Variants in EGFR observed in about 807,000 individuals in gnomAD.
The protein encoded by EGFR is epidermal growth factor receptor.
Under a neutral mutation model 143.0 loss-of-function variants are expected in EGFR, and 58 were observed. The observed-to-expected ratio is 0.41, with a 90% CI of 0.33 to 0.50. EGFR has a LOEUF of 0.50. Among genes scored for constraint, EGFR ranks in the 20% least tolerant of loss-of-function variants. The pLI is 0.39. For synonymous variants in EGFR, 613 were observed against 594.4 expected, an observed-to-expected ratio of 1.03 and a Z score of -0.45; for missense variants, 1,307 against 1,579.0, an observed-to-expected ratio of 0.83 and a Z score of 2.92.
At chr7:55,144,311 A>G (rs574665703) in intron 3 of EGFR, among the ~76,000 whole-genome samples, 28 of 152,348 alleles carry the variant, frequency 1.8e-4, no homozygotes, top group Non-Finnish European at 3.2e-4. Context: ...AATCATGCTA[A>G]GCCGGGGACT....
rs758945260 is a variant in EGFR at position 55,146,690 on chromosome 7, G to A, written c.509G>A (p.Ser170Asn). The A allele has an allele frequency of 5.0e-6, 8 of 1,614,116 alleles. No homozygotes were observed. The highest frequency in any genetic ancestry group is 3.3e-5 in the Admixed American group (2 of 60,026). The change falls in exon 4 of 28, where the codon AGT (serine) becomes AAT (asparagine). Residue 170 changes from serine to asparagine, a missense_variant. Transcript: ENST00000275493. ...ATCCAGTGGCGGGACATAGTCAGCAGTGACTTTCTCAGCAACATGTCGATG... is the reference window on the plus strand; with the variant it reads ...ATCCAGTGGCGGGACATAGTCAGCAATGACTTTCTCAGCAACATGTCGATG... ...ESIQWRDIVS[S>N]DFLSNMSMDF...
chr7:55,109,538 C>T (rs557615382), intron 1 of EGFR, among the ~76,000 whole-genome samples: 2 of 152,306 alleles, frequency 1.3e-5, no homozygotes, highest in South Asian at 2.1e-4. Context: ...TCTTTGCCAG[C>T]GACCAAGCAG....
intron 10 of EGFR, chr7:55,157,078 C>T: frequency 1.0e-6 from 1 of 965,494 alleles, no homozygotes; most frequent in Non-Finnish European, 1.5e-6. Flanking sequence ...CGGCCCCAGC[C>T]AGCTGCCTTG....
intron 1 of EGFR, among the ~76,000 whole-genome samples, chr7:55,057,563 G>C (rs1403518223): frequency 6.6e-6 from 1 of 152,210 alleles, no homozygotes; most frequent in African/African-American, 2.4e-5. Flanking sequence ...GTGTGTGAGA[G>C]GTGTGGTTTC....
chr7:55,192,426 C>G (rs1787438406), intron 21 of EGFR, among the ~76,000 whole-genome samples: 1 of 152,182 alleles, frequency 6.6e-6, no homozygotes, highest in African/African-American at 2.4e-5. Context: ...AGGTTTCACT[C>G]TGGCCTGCTT....
In EGFR at chr7:55,205,761, C is replaced by G; in HGVS notation, c.*144C>G. ...TTTTGCAACGTTTACACCGACTAGCCAGGAAGTACTTCCACCTCGGGCACA... is the reference window on the plus strand; with the variant it reads ...TTTTGCAACGTTTACACCGACTAGCGAGGAAGTACTTCCACCTCGGGCACA... On this transcript the variant is annotated 3_prime_UTR_variant, in exon 28 of 28. Coordinates refer to ENST00000275493, the MANE Select transcript of EGFR (RefSeq NM_005228.5). The G allele has an allele frequency of 7.7e-7, 1 of 1,291,030 alleles. No homozygotes were observed. The highest frequency in any genetic ancestry group is 1.1e-6 in the Non-Finnish European group (1 of 913,772). The allele number at this position is 1,291,030 out of a possible 1,614,324, so 80.0% of individuals were successfully genotyped here.
intron 1 of EGFR, among the ~76,000 whole-genome samples, chr7:55,037,168 G>T (rs1787633311): frequency 6.6e-6 from 1 of 152,144 alleles, no homozygotes; most frequent in South Asian, 2.1e-4. Context: ...TAATAGATTG[G>T]TATAACTTGG....
At chr7:55,050,217 ACT>A (rs959993284) in intron 1 of EGFR, among the ~76,000 whole-genome samples, 9 of 151,202 alleles carry the variant, frequency 6.0e-5, no homozygotes, top group African/African-American at 2.2e-4. Flanking sequence ...CAAAGCTGAA[ACT>A]CTGTCCCCAT....
intron 15 of EGFR, among the ~76,000 whole-genome samples, chr7:55,166,807 T>G (rs543850714): frequency 8.6e-6 from 1 of 116,610 alleles, no homozygotes; most frequent in Non-Finnish European, 1.7e-5. Context: ...GTGGTGGTGG[T>G]GAGGAGGTGG....
At chr7:55,030,203 G>A (rs193301789) in intron 1 of EGFR, among the ~76,000 whole-genome samples, 35 of 152,064 alleles carry the variant, frequency 2.3e-4, no homozygotes, top group Non-Finnish European at 3.8e-4. Flanking sequence ...CCTTCAAGAC[G>A]TCATTGGGTT....
chr7:55,108,260 A>G, intron 1 of EGFR, among the ~76,000 whole-genome samples: 1 of 152,254 alleles, frequency 6.6e-6, no homozygotes, highest in Non-Finnish European at 1.5e-5. Context: ...CTTATGTTCT[A>G]GTCATGACTT....
intron 22 of EGFR, among the ~76,000 whole-genome samples, chr7:55,195,050 C>T (rs1309879283): frequency 6.6e-6 from 1 of 152,190 alleles, no homozygotes; most frequent in Non-Finnish European, 1.5e-5. Flanking sequence ...TACTGGCTCT[C>T]CTCTCTCTCG....
intron 24 of EGFR, chr7:55,200,906 CGAT>C: frequency 3.7e-6 from 2 of 540,844 alleles, no homozygotes; most frequent in Non-Finnish European, 6.6e-6. Context: ...GGTGCACACT[CGAT>C]GAATGCTGCA....
At chr7:55,146,798 G>C (rs1377008246) in intron 4 of EGFR, 58 bp downstream of exon 4, 1 of 1,610,802 alleles carries the variant, frequency 6.2e-7, no homozygotes, top group Non-Finnish European at 8.5e-7. Flanking sequence ...CAGCTCTACA[G>C]CACTGGGGCA....
At chr7:55,150,538 G>T (rs1785099965) in intron 4 of EGFR, among the ~76,000 whole-genome samples, 1 of 152,182 alleles carries the variant, frequency 6.6e-6, no homozygotes, top group African/African-American at 2.4e-5. Flanking sequence ...AGTTTACTAT[G>T]TCTTCACAGT....
At position 55,173,931 on chromosome 7, in the gene EGFR, C is replaced by G. The variant is rs1786473925; in HGVS notation, c.2072C>G (p.Pro691Arg). Residue 691 changes from proline to arginine, a missense_variant, in exon 18 of 28, where the codon CCT (proline) becomes CGT (arginine). By Grantham distance (103) the Pro-to-Arg change is moderately radical. Around this residue, in one of 7 missense-constraint regions of EGFR, gnomAD observed 348 missense variants for 451.5 expected, o/e 0.77. Transcript: ENST00000275493. Reference protein sequence around the residue: ...RLLQERELVEPLTPSGEAPNQ... With the variant: ...RLLQERELVERLTPSGEAPNQ... ...TCTTGTCCCCCCCAGCTTGTGGAGC[C>G]TCTTACACCCAGTGGAGAAGCTCCC... 1 of 1,614,130 alleles carries G rather than the reference C, an allele frequency of 6.2e-7. No homozygotes were observed. Among genetic ancestry groups the G allele is most frequent in the South Asian group, 1.1e-5 (1 of 91,094 alleles).
intron 19 of EGFR, among the ~76,000 whole-genome samples, chr7:55,178,429 AC>A (rs1786701704): frequency 6.6e-6 from 1 of 152,198 alleles, no homozygotes; most frequent in Admixed American, 6.5e-5. Flanking sequence ...GGAGCACCCA[AC>A]AGGCCCCACA....
chr7:55,054,746 T>C (rs1159478103), intron 1 of EGFR, among the ~76,000 whole-genome samples: 1 of 152,204 alleles, frequency 6.6e-6, no homozygotes. Context: ...GTGCCTCCGT[T>C]CACACCACTC....
chr7:55,057,654 G>T (rs1277465673), intron 1 of EGFR, among the ~76,000 whole-genome samples: 2 of 152,006 alleles, frequency 1.3e-5, no homozygotes, highest in Non-Finnish European at 2.9e-5. Flanking sequence ...TCCTTGTTTT[G>T]GTCACATAAT....
Sources: gnomAD v4.1 joint callset for allele counts (sites outside exome capture counted in the v4.1 genomes callset) on GRCh38, gnomAD v4.1.1 for gene constraint, gnomAD v4.1.1 regional missense constraint, MANE v1.5 for transcripts, NCBI Gene and HGNC (gene_info 2026-07-23, HGNC 2026-07-21) for gene names.